DAPK1: variants seen among roughly 807,000 people sequenced by gnomAD.
DAPK1 encodes the protein death associated protein kinase 1, also known as death-associated protein kinase 1.
In DAPK1, 56 loss-of-function variants were observed where a neutral mutation model predicts 144.9. The observed-to-expected ratio is 0.39, with a 90% confidence interval of 0.31 to 0.48. DAPK1 has a LOEUF of 0.48. Ranked by LOEUF, DAPK1 falls within the 20% of genes least tolerant of loss-of-function variation. The pLI, the probability that DAPK1 is intolerant of heterozygous loss-of-function variation, is 0.95. For missense variants in DAPK1, 1,454 were observed against 1,875.4 expected (o/e 0.78, Z 4.15); for synonymous variants, 690 against 749.0 (o/e 0.92, Z 1.29).
At chr9:87,504,520 T>A (rs1445679824) in intron 2 of DAPK1, among the ~76,000 whole-genome samples, 1 of 152,052 alleles carries the variant, frequency 6.6e-6, no homozygotes, top group East Asian at 1.9e-4. Flanking sequence ...CACTTCTTGG[T>A]CCCCCATGCT....
At chr9:87,526,662 T>C (rs1825521314) in intron 2 of DAPK1, among the ~76,000 whole-genome samples, 1 of 152,204 alleles carries the variant, frequency 6.6e-6, no homozygotes, top group Admixed American at 6.5e-5. Flanking sequence ...TGGTATTTTT[T>C]TTGAGGGCAA....
chr9:87,605,736 T>C (rs1264175588), intron 3 of DAPK1, among the ~76,000 whole-genome samples: 2 of 152,212 alleles, frequency 1.3e-5, no homozygotes, highest in African/African-American at 4.8e-5. Context: ...AGGCAAGCCA[T>C]GCCCGTCGGA....
At chr9:87,653,702 A>ACT (rs5899009) in intron 17 of DAPK1, among the ~76,000 whole-genome samples, 1 of 150,874 alleles carries the variant, frequency 6.6e-6, no homozygotes. Context: ...CATTATTATT[A>ACT]TTTTTTTTGA....
At chr9:87,699,363 T>G (rs1421805169) in intron 23 of DAPK1, among the ~76,000 whole-genome samples, 2 of 152,196 alleles carry the variant, frequency 1.3e-5, no homozygotes, top group Non-Finnish European at 2.9e-5. Context: ...CAATATAAGT[T>G]GCAACCTACT....
At chr9:87,526,588 A>G (rs1825516477) in intron 2 of DAPK1, among the ~76,000 whole-genome samples, 2 of 152,078 alleles carry the variant, frequency 1.3e-5, no homozygotes, top group African/African-American at 2.4e-5. Flanking sequence ...CCTGGTATCT[A>G]TTTCCCTCCA....
At chr9:87,556,303 A>G (rs1826712506) in intron 2 of DAPK1, among the ~76,000 whole-genome samples, 1 of 152,142 alleles carries the variant, frequency 6.6e-6, no homozygotes, top group African/African-American at 2.4e-5. Flanking sequence ...TTTATGGAGG[A>G]GGAAACAGGT....
intron 18 of DAPK1, among the ~76,000 whole-genome samples, chr9:87,662,147 A>G (rs993769135): frequency 2.3e-4 from 35 of 152,074 alleles, no homozygotes; most frequent in African/African-American, 8.0e-4. Flanking sequence ...ATGTGGCTAT[A>G]TGTTTCTGGG....
At chr9:87,597,603 G>A (rs561835879) in intron 2 of DAPK1, among the ~76,000 whole-genome samples, 3 of 152,078 alleles carry the variant, frequency 2.0e-5, no homozygotes, top group South Asian at 2.1e-4. Flanking sequence ...AACAGTGTGC[G>A]CTCACATGCA....
intron 21 of DAPK1, among the ~76,000 whole-genome samples, chr9:87,688,339 C>G (rs1231928039): frequency 6.6e-6 from 1 of 152,114 alleles, no homozygotes; most frequent in African/African-American, 2.4e-5. Context: ...TCCAGTCTGC[C>G]ATTGATGGGC....
intron 2 of DAPK1, among the ~76,000 whole-genome samples, chr9:87,523,977 C>T (rs532283807): frequency 2.0e-5 from 3 of 152,332 alleles, no homozygotes; most frequent in African/African-American, 4.8e-5. Flanking sequence ...TATTCAGAAT[C>T]ACAGGCATGC....
chr9:87,565,214 G>A (rs973216248), intron 2 of DAPK1, among the ~76,000 whole-genome samples: 1 of 151,846 alleles, frequency 6.6e-6, no homozygotes, highest in Non-Finnish European at 1.5e-5. Flanking sequence ...AGGGCAAACA[G>A]TTGAGAGCAT....
chr9:87,535,415 A>G (rs1825826635), intron 2 of DAPK1, among the ~76,000 whole-genome samples: 1 of 152,192 alleles, frequency 6.6e-6, no homozygotes, highest in Non-Finnish European at 1.5e-5. Context: ...TTACATAAAA[A>G]TTATAAGCCC....
chr9:87,617,402 C>T (rs535092701), intron 3 of DAPK1, among the ~76,000 whole-genome samples: 3 of 152,182 alleles, frequency 2.0e-5, no homozygotes, highest in African/African-American at 7.2e-5. Context: ...TCTTCTACCC[C>T]TTGGGTGCCA....
At chr9:87,613,011 G>A (rs768325912) in intron 3 of DAPK1, among the ~76,000 whole-genome samples, 5 of 152,128 alleles carry the variant, frequency 3.3e-5, no homozygotes, top group Admixed American at 3.3e-4. Flanking sequence ...AATCCTAAAT[G>A]TCTCCCCTTA....
intron 4 of DAPK1, among the ~76,000 whole-genome samples, chr9:87,638,573 C>T (rs1829982929): frequency 6.6e-6 from 1 of 152,208 alleles, no homozygotes; most frequent in Non-Finnish European, 1.5e-5. Context: ...GCCGTCCTCC[C>T]AGCCATGACA....
chr9:87,527,290 C>T (rs973005276), intron 2 of DAPK1, among the ~76,000 whole-genome samples: 5 of 152,200 alleles, frequency 3.3e-5, no homozygotes, highest in South Asian at 4.1e-4. Context: ...AGATCTTCTG[C>T]GCTAGGTTGA....
At chr9:87,583,170 A>G (rs546472361) in intron 2 of DAPK1, among the ~76,000 whole-genome samples, 1 of 152,336 alleles carries the variant, frequency 6.6e-6, no homozygotes, top group South Asian at 2.1e-4. Context: ...ATTCACAGCC[A>G]GGATAGGGAA....
intron 2 of DAPK1, among the ~76,000 whole-genome samples, chr9:87,504,906 C>A (rs1379802849): frequency 6.6e-6 from 1 of 152,144 alleles, no homozygotes; most frequent in Non-Finnish European, 1.5e-5. Context: ...TGTATATGTT[C>A]AGTACAGATG....
At chr9:87,672,415 G>C (rs1393454434) in intron 19 of DAPK1, among the ~76,000 whole-genome samples, 1 of 152,186 alleles carries the variant, frequency 6.6e-6, no homozygotes, top group African/African-American at 2.4e-5. Context: ...AAATACCTGT[G>C]ATCTGCTTTT....
Sources: gnomAD v4.1 joint callset for allele counts (sites outside exome capture counted in the v4.1 genomes callset) on GRCh38, gnomAD v4.1.1 for gene constraint, MANE v1.5 for transcripts, NCBI Gene and HGNC (gene_info 2026-07-23, HGNC 2026-07-21) for gene names.